ASIC2: variants seen among roughly 807,000 people sequenced by gnomAD.
ASIC2 encodes acid sensing ion channel subunit 2, also known as acid-sensing ion channel 2.
Under a neutral mutation model 57.3 loss-of-function variants are expected in ASIC2, and 25 were observed. That is an observed-to-expected ratio of 0.44 (90% CI 0.32 to 0.61). The LOEUF (loss-of-function observed/expected upper bound fraction) is 0.61. ASIC2 is among the 20% of genes least tolerant of loss of function. The pLI is 0.06. For missense variants in ASIC2, 641 were observed against 738.1 expected (o/e 0.87, Z 1.52); for synonymous variants, 319 against 307.5 (o/e 1.04, Z -0.39).
intron 1 of ASIC2, among the ~76,000 whole-genome samples, chr17:34,055,314 T>A (rs556365645): frequency 2.6e-5 from 4 of 152,340 alleles, no homozygotes; most frequent in Admixed American, 2.6e-4. Flanking sequence ...CATGTGTCCA[T>A]CACCCAGATT....
chr17:33,188,425 T>C (rs1158271717), intron 1 of ASIC2, among the ~76,000 whole-genome samples: 1 of 152,142 alleles, frequency 6.6e-6, no homozygotes, highest in Non-Finnish European at 1.5e-5. Context: ...TTTTTCAAAA[T>C]TTGATAAAAA....
chr17:33,877,487 G>A (rs546959626), intron 1 of ASIC2, among the ~76,000 whole-genome samples: 17 of 152,284 alleles, frequency 1.1e-4, no homozygotes, highest in South Asian at 6.2e-4. Flanking sequence ...TTCCTGGCTC[G>A]GAGGGTCCTA....
At chr17:33,325,477 G>A (rs1241418953) in intron 1 of ASIC2, among the ~76,000 whole-genome samples, 1 of 152,170 alleles carries the variant, frequency 6.6e-6, no homozygotes, top group African/African-American at 2.4e-5. Flanking sequence ...GGAACTAAAA[G>A]AAGGCCTGAC....
chr17:33,797,014 G>A (rs1406759754), intron 1 of ASIC2, among the ~76,000 whole-genome samples: 1 of 152,186 alleles, frequency 6.6e-6, no homozygotes, highest in Non-Finnish European at 1.5e-5. Flanking sequence ...AAGTGGAAAT[G>A]CTGACATGTT....
In ASIC2 at chr17:33,666,674, C is replaced by T. The variant is rs139456564; in HGVS notation, c.555+489304G>A. ...GTCCACCTCCTCCACCCACCTTATGCTGTCACCCCCTGCCCAGGACTGGAC... is the reference window on the plus strand; with the variant it reads ...GTCCACCTCCTCCACCCACCTTATGTTGTCACCCCCTGCCCAGGACTGGAC... On this transcript the variant is annotated intron_variant, in intron 1 of 9. Coordinates refer to the ASIC2 transcript ENST00000359872. 3.4e-3 allele frequency among the ~76,000 whole-genome samples: 516 copies of T among 152,298 alleles called. 6 individuals carry two copies. The highest frequency in any genetic ancestry group is 0.012 in the African/African-American group (493 of 41,560).
At chr17:33,033,273 G>T (rs1454723227) in intron 3 of ASIC2, among the ~76,000 whole-genome samples, 2 of 152,178 alleles carry the variant, frequency 1.3e-5, no homozygotes, top group Non-Finnish European at 2.9e-5. Context: ...CGGGGCTACA[G>T]CCGCCCAAAC....
At chr17:33,516,150 C>CAA (rs1282994528) in intron 1 of ASIC2, among the ~76,000 whole-genome samples, 1 of 149,246 alleles carries the variant, frequency 6.7e-6, no homozygotes, top group African/African-American at 2.5e-5. Context: ...CAAAACAAAA[C>CAA]AAAACAAGAA....
intron 1 of ASIC2, among the ~76,000 whole-genome samples, chr17:33,326,344 A>C (rs72819198): frequency 0.14 from 21,923 of 152,222 alleles, 1,847 homozygotes; most frequent in African/African-American, 0.23. Flanking sequence ...CTCTGTGACC[A>C]CCAGTTCACG....
chr17:33,564,260 G>T (rs893249927), intron 1 of ASIC2, among the ~76,000 whole-genome samples: 1 of 152,202 alleles, frequency 6.6e-6, no homozygotes, highest in African/African-American at 2.4e-5. Flanking sequence ...AATTAGTGGA[G>T]ATTTTTAAAG....
chr17:33,407,640 T>C (rs188221474), intron 1 of ASIC2, among the ~76,000 whole-genome samples: 1 of 152,284 alleles, frequency 6.6e-6, no homozygotes, highest in African/African-American at 2.4e-5. Flanking sequence ...TTTAATAAAA[T>C]AAAGTTAGTA....
intron 1 of ASIC2, among the ~76,000 whole-genome samples, chr17:33,570,026 C>T (rs1185722797): frequency 6.6e-6 from 1 of 152,046 alleles, no homozygotes; most frequent in Non-Finnish European, 1.5e-5. Context: ...CTCCTCTCCA[C>T]CTCTTGTTTG....
chr17:34,076,424 T>C (rs1222439416), intron 1 of ASIC2, among the ~76,000 whole-genome samples: 1 of 152,182 alleles, frequency 6.6e-6, no homozygotes, highest in Non-Finnish European at 1.5e-5. Context: ...TTCACTCTAC[T>C]GTTTTTCCTT....
chr17:33,020,624 G>A (rs1042640038), intron 7 of ASIC2, among the ~76,000 whole-genome samples: 5 of 152,122 alleles, frequency 3.3e-5, no homozygotes, highest in East Asian at 1.9e-4. Flanking sequence ...CACTGGAGCC[G>A]GGGAGCTCAT....
chr17:33,130,373 G>T (rs66975697), intron 1 of ASIC2, among the ~76,000 whole-genome samples: 26,224 of 152,082 alleles, frequency 0.17, 2,504 homozygotes, highest in Non-Finnish European at 0.21. Flanking sequence ...TGTTAATATT[G>T]TAGGACTTGG....
chr17:34,122,645 T>C (rs1027449704), intron 1 of ASIC2, among the ~76,000 whole-genome samples: 4 of 152,196 alleles, frequency 2.6e-5, no homozygotes, highest in African/African-American at 9.7e-5. Context: ...GAGCAGAGCA[T>C]AAAACCATAG....
At chr17:33,912,246 C>T (rs115354376) in intron 1 of ASIC2, among the ~76,000 whole-genome samples, 95 of 150,726 alleles carry the variant, frequency 6.3e-4, no homozygotes, top group African/African-American at 1.7e-3. Context: ...GTAATCCCGG[C>T]GCATTGTAGG....
intron 1 of ASIC2, among the ~76,000 whole-genome samples, chr17:34,082,512 A>G (rs1198114696): frequency 6.6e-6 from 1 of 152,226 alleles, no homozygotes; most frequent in African/African-American, 2.4e-5. Context: ...TGCTCACTGC[A>G]TTGCCTGTTT....
chr17:33,483,830 T>C (rs1913492068), intron 1 of ASIC2, among the ~76,000 whole-genome samples: 2 of 152,214 alleles, frequency 1.3e-5, no homozygotes, highest in African/African-American at 2.4e-5. Context: ...CAGGTATTAC[T>C]TTACATGACA....
At chr17:33,165,116 G>A (rs982231358) in intron 1 of ASIC2, among the ~76,000 whole-genome samples, 1 of 152,198 alleles carries the variant, frequency 6.6e-6, no homozygotes, top group African/African-American at 2.4e-5. Flanking sequence ...GGCCCCACAT[G>A]GCCCTGGGAT....
Sources: allele counts gnomAD v4.1 joint callset (sites outside exome capture counted in the v4.1 genomes callset), GRCh38; gene constraint gnomAD v4.1.1; transcripts MANE v1.5; gene names NCBI Gene and HGNC (gene_info 2026-07-23, HGNC 2026-07-21).